The following CDK5RAP2 variants were observed in gnomAD, a reference collection of about 807,000 sequenced individuals.
The protein encoded by CDK5RAP2 is CDK5 regulatory subunit associated protein 2, also known as CDK5 regulatory subunit-associated protein 2.
A neutral mutation model predicts 232.9 loss-of-function variants in CDK5RAP2; 147 were observed. The ratio of observed to expected loss-of-function variants is 0.63; its 90% CI spans 0.55 to 0.72. The LOEUF (loss-of-function observed/expected upper bound fraction) is 0.72. Among genes scored for constraint, CDK5RAP2 ranks in the 30% least tolerant of loss-of-function variants. The pLI, the probability that CDK5RAP2 is intolerant of heterozygous loss-of-function variation, is 0.00. For synonymous variants in CDK5RAP2, 833 were observed against 833.7 expected (o/e 1.00, Z 0.01); for missense variants, 2,195 against 2,231.5 (o/e 0.98, Z 0.33).
chr9:120,527,484 T>G (rs1217656855), intron 10 of CDK5RAP2, among the ~76,000 whole-genome samples: 1 of 147,538 alleles, frequency 6.8e-6, no homozygotes, highest in Admixed American at 7.0e-5. Context: ...ATATTTTTAC[T>G]GATTATATGA....
chr9:120,467,304 G>A (rs1005353170), intron 18 of CDK5RAP2, among the ~76,000 whole-genome samples: 6 of 152,162 alleles, frequency 3.9e-5, no homozygotes, highest in African/African-American at 7.2e-5. Flanking sequence ...CTCCAGATCC[G>A]TCTGAGACCA....
chr9:120,525,099 C>T, intron 10 of CDK5RAP2, 21 bp from the exon 11 acceptor site: 4 of 1,582,530 alleles, frequency 2.5e-6, no homozygotes, highest in Non-Finnish European at 3.5e-6. Context: ...ATAATGAATA[C>T]CAGCCAAGTA....
chr9:120,400,620 C>G, intron 35 of CDK5RAP2, 122 bp downstream of exon 35: 1 of 1,208,548 alleles, frequency 8.3e-7, no homozygotes, highest in Non-Finnish European at 1.2e-6. Flanking sequence ...GTGCCATCTC[C>G]TCCCTAATAC....
chr9:120,469,108 T>A (rs1246413104), intron 17 of CDK5RAP2, among the ~76,000 whole-genome samples: 2 of 152,208 alleles, frequency 1.3e-5, no homozygotes, highest in African/African-American at 2.4e-5. Context: ...AACTAACAGC[T>A]GCCTCCATAC....
At chr9:120,506,175 C>A (rs977937825) in intron 12 of CDK5RAP2, among the ~76,000 whole-genome samples, 2 of 152,196 alleles carry the variant, frequency 1.3e-5, no homozygotes, top group Non-Finnish European at 2.9e-5. Flanking sequence ...ACTTATGATT[C>A]CAGAACTCCT....
chr9:120,519,294 C>T (rs2040511499), intron 11 of CDK5RAP2, among the ~76,000 whole-genome samples: 1 of 151,720 alleles, frequency 6.6e-6, no homozygotes, highest in Admixed American at 6.6e-5. Context: ...TTCAAATGTT[C>T]TAAGGTAAGT....
chr9:120,476,353 A>G (rs2038008334), intron 15 of CDK5RAP2, among the ~76,000 whole-genome samples: 1 of 152,090 alleles, frequency 6.6e-6, no homozygotes, highest in South Asian at 2.1e-4. Flanking sequence ...CTGTTTGGAA[A>G]TGAATCCCAG....
intron 3 of CDK5RAP2, among the ~76,000 whole-genome samples, chr9:120,563,562 C>T (rs753409161): frequency 6.6e-6 from 1 of 152,182 alleles, no homozygotes; most frequent in Non-Finnish European, 1.5e-5. Flanking sequence ...CCATACCTTA[C>T]CTAATTAATA....
intron 22 of CDK5RAP2, among the ~76,000 whole-genome samples, chr9:120,447,291 T>C (rs938616140): frequency 6.6e-6 from 1 of 152,240 alleles, no homozygotes; most frequent in African/African-American, 2.4e-5. Context: ...AAAGGGTTAG[T>C]GGTCCAAAAT....
intron 3 of CDK5RAP2, among the ~76,000 whole-genome samples, chr9:120,558,294 A>T (rs1232511710): frequency 7.6e-6 from 1 of 130,954 alleles, no homozygotes; most frequent in Non-Finnish European, 1.6e-5. Context: ...AATGGCTTGA[A>T]CCCAGGAGGC....
intron 8 of CDK5RAP2, 85 bp from the exon 9 acceptor site, chr9:120,528,882 C>T: frequency 1.4e-5 from 13 of 930,564 alleles, no homozygotes; most frequent in South Asian, 1.3e-4. Flanking sequence ...ACGTCCTTGT[C>T]GCTTACTCAC....
In CDK5RAP2 at chr9:120,388,954, G is replaced by C. The variant is rs2031653134; in HGVS notation, c.*282C>G. On this transcript the variant is annotated 3_prime_UTR_variant, in exon 38 of 38. Transcript: ENST00000349780. ...ACTAAGCAAATCCAGGGGAAGACGT[G>C]AAGCCCACCAAGGCGCACAGCCTCA... The C allele has an allele frequency of 1.9e-6, 1 of 536,010 alleles. No individual in the cohort carries two copies. Among genetic ancestry groups the C allele is most frequent in the South Asian group, 2.5e-5 (1 of 39,894 alleles). The allele number at this position is 536,010 out of a possible 1,614,324, so 33.2% of individuals were successfully genotyped here.
intron 12 of CDK5RAP2, among the ~76,000 whole-genome samples, chr9:120,497,418 A>AT (rs2039343422): frequency 1.2e-4 from 13 of 104,886 alleles, no homozygotes; most frequent in Non-Finnish European, 2.2e-4. Context: ...AAAAAAATAA[A>AT]TTTAAAAAAA....
Position 120,477,388 on chromosome 9 carries a change from G to C in CDK5RAP2, c.1689C>G (p.Ile563Met), listed in dbSNP as rs376139111. 1.2e-6 allele frequency: 2 copies of C among 1,613,834 alleles called. No homozygotes were observed. Among genetic ancestry groups the C allele is most frequent in the Non-Finnish European group, 1.7e-6 (2 of 1,179,904 alleles). Residue 563 changes from isoleucine (I) to methionine (M), a missense_variant, in exon 15 of 38, where the codon ATC becomes ATG. By Grantham distance (10) the Ile-to-Met change is conservative. Coordinates refer to ENST00000349780, the MANE Select transcript of CDK5RAP2 (RefSeq NM_018249.6). ...GCAGAGATTTGACCAGATGGGTATA[G>C]ATGTCCTGCTCTTTCTTTAAGACCT... ...LIQVLKKEQD[I>M]YTHLVKSLQE...
In CDK5RAP2 at chr9:120,568,353, T is replaced by A; in HGVS notation, c.163A>T (p.Thr55Ser). Residue 55 changes from threonine (T) to serine (S), a missense_variant, in exon 3 of 38, where the codon ACC (threonine) becomes TCC (serine). Coordinates refer to ENST00000349780, the MANE Select transcript of CDK5RAP2 (RefSeq NM_018249.6). Reference protein sequence around the residue: ...PNVSEETVSPTRARNMKDFEN... With the variant: ...PNVSEETVSPSRARNMKDFEN... ...AAGTCCTTCATGTTCCGTGCTCTGG[T>A]GGGAGACACTGTTTCTTCTGACACA... 2 of 1,613,928 alleles carry A rather than the reference T, an allele frequency of 1.2e-6. No homozygotes were observed. Among genetic ancestry groups the A allele is most frequent in the Non-Finnish European group, 1.7e-6 (2 of 1,179,770 alleles).
chr9:120,558,424 G>T (rs888102326), intron 3 of CDK5RAP2, among the ~76,000 whole-genome samples: 6 of 134,528 alleles, frequency 4.5e-5, no homozygotes, highest in Admixed American at 3.8e-4. Flanking sequence ...GCAGTGTGAT[G>T]TAACAAGAGC....
chr9:120,389,991 A>C lies in CDK5RAP2; in HGVS notation c.5579-204T>G. ...CCCAGGGCCAAATAACGCATCAACA[A>C]CACCTCTTTGAGGCCCCGCTAAGCC... On this transcript the variant is annotated intron_variant, in intron 36 of 37. Coordinates refer to ENST00000349780, the MANE Select transcript of CDK5RAP2 (RefSeq NM_018249.6). 5 of 603,474 alleles carry C rather than the reference A, an allele frequency of 8.3e-6. No individual in the cohort carries two copies. The South Asian group carries it at 9.2e-5, about 11-fold the overall frequency. The allele number at this position is 603,474 out of a possible 1,614,324, so 37.4% of individuals were successfully genotyped here. A position where few individuals can be genotyped will look rare whatever the true frequency, so the allele number is the denominator to read the frequency against.
At chr9:120,531,761 C>G (rs1053303426) in intron 7 of CDK5RAP2, among the ~76,000 whole-genome samples, 3 of 152,156 alleles carry the variant, frequency 2.0e-5, no homozygotes, top group African/African-American at 7.2e-5. Context: ...TGAAGCACAG[C>G]TTCCTGGGAT....
At chr9:120,520,638 G>A (rs1039867155) in intron 11 of CDK5RAP2, among the ~76,000 whole-genome samples, 2 of 151,234 alleles carry the variant, frequency 1.3e-5, no homozygotes, top group Non-Finnish European at 2.9e-5. Flanking sequence ...GCAAGACTCT[G>A]TCTCAAAAAA....
Sources: allele counts gnomAD v4.1 joint callset (sites outside exome capture counted in the v4.1 genomes callset), GRCh38; gene constraint gnomAD v4.1.1; transcripts MANE v1.5; gene names NCBI Gene and HGNC (gene_info 2026-07-23, HGNC 2026-07-21).